Variants in C4orf54 observed in about 807,000 individuals in gnomAD.
The protein encoded by C4orf54 is uncharacterized protein C4orf54.
In C4orf54, 67 loss-of-function variants were observed where a neutral mutation model predicts 80.1. That is an observed-to-expected ratio of 0.84 (90% CI 0.69 to 1.03). The LOEUF (loss-of-function observed/expected upper bound fraction) is 1.03. Ranked by LOEUF, C4orf54 falls within the 50% of genes least tolerant of loss-of-function variation. The pLI is 0.00. For synonymous variants in C4orf54, 1,000 were observed against 917.0 expected, an observed-to-expected ratio of 1.09 and a Z score of -1.64; for missense variants, 2,434 against 2,253.5, an observed-to-expected ratio of 1.08 and a Z score of -1.62.
In C4orf54 at chr4:99,640,320, C is replaced by T. The variant is rs1340123375; in HGVS notation, c.*913G>A. The T allele has an allele frequency of 6.6e-6, 1 of 152,160 alleles. No individual in the cohort carries two copies. The highest frequency in any genetic ancestry group is 2.4e-5 in the African/African-American group (1 of 41,454). 9.4% of individuals were successfully genotyped at this position (152,160 alleles called of 1,614,324 possible). ...GCCACTGAATTAGTGCCATATTCTA[C>T]TCTACTGCCCCAAATGGGTCACTCT... is the stretch of plus-strand genomic sequence containing the variant. On this transcript the variant is annotated 3_prime_UTR_variant, in exon 3 of 3. Transcript: ENST00000511828.
chr4:99,650,002 T>A lies in C4orf54; in HGVS notation c.4647A>T (p.Pro1549=). ...PRETVAAPPG[P]QSPEHPPTTI... The stretch of plus-strand genomic sequence containing the variant: ...TGGTGGGGGGATGCTCGGGGCTCTG[T>A]GGCCCTGGGGGGGCAGCTACTGTCT... The change falls in exon 2 of 3, where the codon CCA becomes CCT. Residue 1549 remains proline, a synonymous_variant. Transcript: ENST00000511828. The A allele has an allele frequency of 1.3e-6, 2 of 1,532,152 alleles. No homozygotes were observed. The highest frequency in any genetic ancestry group is 3.3e-4 in the Middle Eastern group (2 of 5,972). The allele number at this position is 1,532,152 out of a possible 1,614,324, so 94.9% of individuals were successfully genotyped here. A position where few individuals can be genotyped will look rare whatever the true frequency, so the allele number is the denominator to read the frequency against.
chr4:99,646,278 T>C (rs1560635695), intron 2 of C4orf54, among the ~76,000 whole-genome samples: 1 of 152,194 alleles, frequency 6.6e-6, no homozygotes, highest in Non-Finnish European at 1.5e-5. Flanking sequence ...GGCCCCTAAT[T>C]TGTGTTATCC....
chr4:99,645,072 T>TA (rs1053885907), intron 2 of C4orf54, among the ~76,000 whole-genome samples: 4 of 151,776 alleles, frequency 2.6e-5, no homozygotes, highest in Non-Finnish European at 5.9e-5. Flanking sequence ...ACCCCATCTC[T>TA]AAAAAAGAAA....
chr4:99,649,577 G>A lies in C4orf54; in HGVS notation c.5072C>T (p.Ala1691Val). The A allele has an allele frequency of 6.5e-7, 1 of 1,536,176 alleles. No homozygotes were observed. The highest frequency in any genetic ancestry group is 8.7e-7 in the Non-Finnish European group (1 of 1,146,914). The change falls in exon 2 of 3, where the codon GCT becomes GTT. Residue 1691 changes from alanine to valine, a missense_variant. Ala to Val is a moderately conservative substitution (Grantham distance 64, BLOSUM62 0). Coordinates refer to ENST00000511828, the MANE Select transcript of C4orf54 (RefSeq NM_001354435.2). ...GFLPTVLPTN[A>V]LQPTPIARAP... ...GCGAGCAATTGGTGTGGGCTGCAGA[G>A]CATTGGTGGGCAGCACGGTAGGCAG...
intron 2 of C4orf54, among the ~76,000 whole-genome samples, chr4:99,648,345 T>C (rs145775875): frequency 6.6e-6 from 1 of 152,360 alleles, no homozygotes; most frequent in Non-Finnish European, 1.5e-5. Flanking sequence ...GTCAGGAATC[T>C]ATTTACCCTG....
Position 99,654,343 on chromosome 4 carries a change from T to C in C4orf54, c.306A>G (p.Pro102=). 1 of 1,343,414 alleles carries C rather than the reference T, an allele frequency of 7.4e-7. No individual in the cohort carries two copies. The highest frequency in any genetic ancestry group is 1.0e-6 in the Non-Finnish European group (1 of 971,390). 83.2% of individuals were successfully genotyped at this position (1,343,414 alleles called of 1,614,324 possible). The change falls in exon 2 of 3, where the codon CCA becomes CCG. Residue 102 remains proline, a synonymous_variant. Transcript: ENST00000511828. ...GAAGCAGGGTCCCACGTATCTGGAC[T>C]GGCCCCAAGGCTGTAGGCACTGCTG... ...AVAAVPTALG[P]VQIRGTLLRA...
chr4:99,653,899 G>C lies in C4orf54; in HGVS notation c.750C>G (p.Ser250=). 6.5e-7 allele frequency: 1 copy of C among 1,536,292 alleles called. No homozygotes were observed. Among genetic ancestry groups the C allele is most frequent in the Non-Finnish European group, 8.7e-7 (1 of 1,146,900 alleles). Residue 250 remains serine, a synonymous_variant, in exon 2 of 3, where the codon TCC becomes TCG. Coordinates refer to ENST00000511828, the MANE Select transcript of C4orf54 (RefSeq NM_001354435.2). ...TPSPQNNPAS[S]QLSRSQHSAS... ...CAGAGTGCTGGGATCTAGAGAGTTG[G>C]GAGGAGGCAGGATTGTTCTGGGGGC...
chr4:99,653,961 C>A lies in C4orf54; in HGVS notation c.688G>T (p.Glu230Ter). The A allele has an allele frequency of 6.5e-7, 1 of 1,536,180 alleles. No individual in the cohort carries two copies. Among genetic ancestry groups the A allele is most frequent in the Non-Finnish European group, 8.7e-7 (1 of 1,146,902 alleles). Residue 230 changes from glutamate to a stop codon, truncating the protein, a stop_gained, in exon 2 of 3, where the codon GAG (glutamate) becomes TAG (stop). Transcript: ENST00000511828. LOFTEE classifies it high-confidence loss of function. Reference sequence around the variant, plus strand: ...CTGCTGGGTTCATCTTGGGCTTTCTCCTTTGGGCTCCTAGAGGCCCTCTGA... The same window carrying A: ...CTGCTGGGTTCATCTTGGGCTTTCTACTTTGGGCTCCTAGAGGCCCTCTGA... The part of the protein sequence containing the change: ...GGQRASRSPK[E>*]KAQDEPSSKT...
Position 99,650,934 on chromosome 4 carries a change from C to A in C4orf54, c.3715G>T (p.Glu1239Ter). ...QKTPEKLKEE[E>*]VKEEGKATKP... ...GTGGCTTTCCCTTCCTCCTTGACCT[C>A]CTCCTCCTTGAGCTTCTCTGGGGTC... is the stretch of plus-strand genomic sequence containing the variant. The change falls in exon 2 of 3, where the codon GAG becomes TAG. Residue 1239 changes from glutamate to a stop codon, truncating the protein, a stop_gained. Coordinates refer to ENST00000511828, the MANE Select transcript of C4orf54 (RefSeq NM_001354435.2). LOFTEE classifies it high-confidence loss of function. 2 of 1,536,216 alleles carry A rather than the reference C, an allele frequency of 1.3e-6. No homozygotes were observed. The highest frequency in any genetic ancestry group is 1.7e-6 in the Non-Finnish European group (2 of 1,146,924).
chr4:99,648,990 C>T (rs1726744967), intron 2 of C4orf54, among the ~76,000 whole-genome samples: 1 of 152,160 alleles, frequency 6.6e-6, no homozygotes, highest in Non-Finnish European at 1.5e-5. Context: ...TGGGAAAAAA[C>T]ACTCAGGCAA....
At chr4:99,657,123 T>C (rs1036073233) in intron 1 of C4orf54, among the ~76,000 whole-genome samples, 1 of 152,256 alleles carries the variant, frequency 6.6e-6, no homozygotes, top group African/African-American at 2.4e-5. Flanking sequence ...AATTTTGCTT[T>C]GAGGCTAACC....
Position 99,649,865 on chromosome 4 carries a change from A to G in C4orf54, c.4784T>C (p.Val1595Ala). ...PAPAPAASAP[V>A]PTDPFQQAQP... ...TGCCTGCTGGAAGGGGTCTGTGGGG[A>G]CGGGAGCTGAGGCTGCAGGTGCTGG... The change falls in exon 2 of 3, where the codon GTC (valine) becomes GCC (alanine). Residue 1595 changes from valine to alanine, a missense_variant. Coordinates refer to ENST00000511828, the MANE Select transcript of C4orf54 (RefSeq NM_001354435.2). 1 of 1,531,984 alleles carries G rather than the reference A, an allele frequency of 6.5e-7. No homozygotes were observed. The highest frequency in any genetic ancestry group is 8.7e-7 in the Non-Finnish European group (1 of 1,143,494). The allele number at this position is 1,531,984 out of a possible 1,614,324, so 94.9% of individuals were successfully genotyped here. A position where few individuals can be genotyped will look rare whatever the true frequency, so the allele number is the denominator to read the frequency against.
Position 99,654,429 on chromosome 4 carries a change from G to A in C4orf54, c.220C>T (p.Leu74Phe), listed in dbSNP as rs1348459549. ...TGTGGCGGGGCCGCAGCAAGCCTGA[G>A]GGAGGTGGGAAGGCTCCTGGATGAG... ...TASSRSLPTS[L>F]RLAAAPPQGL... Residue 74 changes from leucine to phenylalanine, a missense_variant, in exon 2 of 3, where the codon CTC becomes TTC. By Grantham distance (22) the Leu-to-Phe change is conservative (BLOSUM62 0). Transcript: ENST00000511828. 7.9e-6 allele frequency: 6 copies of A among 762,196 alleles called. No individual in the cohort carries two copies. The East Asian group carries it at 1.6e-4, about 20-fold the overall frequency. The allele number at this position is 762,196 out of a possible 1,614,324, so 47.2% of individuals were successfully genotyped here. A position where few individuals can be genotyped will look rare whatever the true frequency, so the allele number is the denominator to read the frequency against.
Position 99,636,740 on chromosome 4 carries a change from T to G in C4orf54, c.*4493A>C, listed in dbSNP as rs541288045. 1 of 152,290 alleles carries G rather than the reference T, an allele frequency of 6.6e-6. No individual in the cohort carries two copies. Among genetic ancestry groups the G allele is most frequent in the South Asian group, 2.1e-4 (1 of 4,826 alleles). 9.4% of individuals were successfully genotyped at this position (152,290 alleles called of 1,614,324 possible). ...ATGTGATTCTCAGAGCTGTCGAGATTCAAAGTTTCCTTGGCTGGATTCAAA... is the reference window on the plus strand; with the variant it reads ...ATGTGATTCTCAGAGCTGTCGAGATGCAAAGTTTCCTTGGCTGGATTCAAA... On this transcript the variant is annotated 3_prime_UTR_variant, in exon 3 of 3. Coordinates refer to ENST00000511828, the MANE Select transcript of C4orf54 (RefSeq NM_001354435.2).
In C4orf54 at chr4:99,639,879, A is replaced by G. The variant is rs1726575589; in HGVS notation, c.*1354T>C. On this transcript the variant is annotated 3_prime_UTR_variant, in exon 3 of 3. Transcript: ENST00000511828. ...AAATCAAATATTGCTGAGGTTTAAAATAATATTAGGGTGTTTAAAAAATTA... is the reference window on the plus strand; with the variant it reads ...AAATCAAATATTGCTGAGGTTTAAAGTAATATTAGGGTGTTTAAAAAATTA... 6.6e-6 allele frequency: 1 copy of G among 152,162 alleles called. No individual in the cohort carries two copies. Among genetic ancestry groups the G allele is most frequent in the African/African-American group, 2.4e-5 (1 of 41,458 alleles). 9.4% of individuals were successfully genotyped at this position (152,162 alleles called of 1,614,324 possible). A position where few individuals can be genotyped will look rare whatever the true frequency, so the allele number is the denominator to read the frequency against.
At position 99,653,244 on chromosome 4, in the gene C4orf54, C is replaced by T; in HGVS notation, c.1405G>A (p.Val469Met). ...CCACTGTCAGAGGGGCCACTGCCCACTTCGGTGCTGCTGGTGTCGCGGCCA... is the reference window on the plus strand; with the variant it reads ...CCACTGTCAGAGGGGCCACTGCCCATTTCGGTGCTGCTGGTGTCGCGGCCA... ...RSGRDTSSTE[V>M]GSGPSDSGPT... The change falls in exon 2 of 3, where the codon GTG (valine) becomes ATG (methionine). Residue 469 changes from valine to methionine, a missense_variant. Transcript: ENST00000511828. 2 of 1,532,740 alleles carry T rather than the reference C, an allele frequency of 1.3e-6. No homozygotes were observed. Among genetic ancestry groups the T allele is most frequent in the Non-Finnish European group, 1.7e-6 (2 of 1,144,522 alleles). 94.9% of individuals were successfully genotyped at this position (1,532,740 alleles called of 1,614,324 possible). A position where few individuals can be genotyped will look rare whatever the true frequency, so the allele number is the denominator to read the frequency against.
rs1006469111 is a variant in C4orf54 at position 99,637,461 on chromosome 4, C to T, written c.*3772G>A. The T allele has an allele frequency of 3.3e-5, 5 of 152,114 alleles. No homozygotes were observed. The highest frequency in any genetic ancestry group is 7.4e-5 in the Non-Finnish European group (5 of 68,012). The allele number at this position is 152,114 out of a possible 1,614,324, so 9.4% of individuals were successfully genotyped here. ...CCGAGTCTGCAATTCTGATTAGATT[C>T]AAGCTTAAGGCACCAATTAGCAAGT... On this transcript the variant is annotated 3_prime_UTR_variant, in exon 3 of 3. Coordinates refer to ENST00000511828, the MANE Select transcript of C4orf54 (RefSeq NM_001354435.2).
chr4:99,638,983 T>C lies in C4orf54; in HGVS notation c.*2250A>G, dbSNP rs908165868. 2.0e-5 allele frequency: 3 copies of C among 152,156 alleles called. No individual in the cohort carries two copies. Among genetic ancestry groups the C allele is most frequent in the African/African-American group, 4.8e-5 (2 of 41,460 alleles). 9.4% of individuals were successfully genotyped at this position (152,156 alleles called of 1,614,324 possible). On this transcript the variant is annotated 3_prime_UTR_variant, in exon 3 of 3. Coordinates refer to ENST00000511828, the MANE Select transcript of C4orf54 (RefSeq NM_001354435.2). ...AAAAGCTTTTTCTTTCTTTCCTTAG[T>C]TTGTGTCCTAATTTACCTCAGTGTG...
chr4:99,653,545 G>T lies in C4orf54; in HGVS notation c.1104C>A (p.Ile368=). Residue 368 remains isoleucine (I), a synonymous_variant, in exon 2 of 3, where the codon ATC becomes ATA. Transcript: ENST00000511828. Reference sequence around the variant, plus strand: ...CACTCAGCTGGATCTCATGGGTGGTGATGTAGTGAGCCTCTTCGACTTTGG... The same window carrying T: ...CACTCAGCTGGATCTCATGGGTGGTTATGTAGTGAGCCTCTTCGACTTTGG... ...DPPKVEEAHY[I]TTHEIQLSEV... 1.3e-6 allele frequency: 2 copies of T among 1,536,108 alleles called. No individual in the cohort carries two copies. The highest frequency in any genetic ancestry group is 1.7e-6 in the Non-Finnish European group (2 of 1,146,896).
Sources: gnomAD v4.1 joint callset for allele counts (sites outside exome capture counted in the v4.1 genomes callset) on GRCh38, gnomAD v4.1.1 for gene constraint, MANE v1.5 for transcripts, NCBI Gene and HGNC (gene_info 2026-07-23, HGNC 2026-07-21) for gene names.